Variants in FCRL4 observed in about 807,000 individuals in gnomAD.
FCRL4 encodes the protein Fc receptor-like protein 4.
FCRL4 carries 43 observed loss-of-function variants against 64.1 expected under a neutral mutation model. The observed-to-expected ratio is 0.67, with a 90% CI of 0.53 to 0.87. FCRL4 has a LOEUF of 0.87. Among genes scored for constraint, FCRL4 ranks in the 40% least tolerant of loss-of-function variants. The pLI, the probability that FCRL4 is intolerant of heterozygous loss-of-function variation, is 0.00. For missense variants in FCRL4, 656 were observed against 613.5 expected, an observed-to-expected ratio of 1.07 and a Z score of -0.73; for synonymous variants, 253 against 239.8, an observed-to-expected ratio of 1.05 and a Z score of -0.51.
At position 157,585,395 on chromosome 1, in the gene FCRL4, C is replaced by CTTTCTTTCTTTCTTTCTTTCT. The variant is rs1558155168; in HGVS notation, c.1135+772_1135+773insAGAAAGAAAGAAAGAAAGAAA. Among the ~76,000 whole-genome samples, 7 of 80,838 alleles carry CTTTCTTTCTTTCTTTCTTTCT rather than the reference C, an allele frequency of 8.7e-5. 1 individual carries two copies. Among genetic ancestry groups the CTTTCTTTCTTTCTTTCTTTCT allele is most frequent in the African/African-American group, 2.4e-4 (5 of 20,452 alleles). 53.0% of individuals were successfully genotyped at this position (80,838 alleles called of 152,430 possible). On this transcript the variant is annotated intron_variant, in intron 6 of 11. Transcript: ENST00000271532. ...CTTTCTTTCTTTCTTTCTTTCTTTC[C>CTTTCTTTCTTTCTTTCTTTCT]TTCTTTCTTTCTTTCTTTCTTTCTT...
Position 157,597,985 on chromosome 1 carries a change from C to A in FCRL4, c.-41G>T. On this transcript the variant is annotated 5_prime_UTR_variant, in exon 1 of 12. Transcript: ENST00000271532. ...GATTGGAGAAGGAGTTCTGAGGAGACAAGCCAGGTCAGCCCAGATTGCCAA... is the reference window on the plus strand; with the variant it reads ...GATTGGAGAAGGAGTTCTGAGGAGAAAAGCCAGGTCAGCCCAGATTGCCAA... 1 of 1,565,902 alleles carries A rather than the reference C, an allele frequency of 6.4e-7. No individual in the cohort carries two copies. Among genetic ancestry groups the A allele is most frequent in the Non-Finnish European group, 8.8e-7 (1 of 1,138,578 alleles).
At chr1:157,594,591 T>A (rs1212050652) in intron 2 of FCRL4, among the ~76,000 whole-genome samples, 6 of 152,264 alleles carry the variant, frequency 3.9e-5, no homozygotes, top group Non-Finnish European at 2.9e-5. Flanking sequence ...TGGGGATTGC[T>A]ATTTACTATG....
At position 157,594,944 on chromosome 1, in the gene FCRL4, G is replaced by A. The variant is rs554355512; in HGVS notation, c.52+1384C>T. Among the ~76,000 whole-genome samples the A allele has an allele frequency of 2.0e-5, 3 of 152,262 alleles. No individual in the cohort carries two copies. The South Asian group carries it at 6.2e-4, about 32-fold the overall frequency. ...CAGATAGAGTCTTACTCTTGCCCAG[G>A]CTGGACTGCAGTGGCCTGATCTCAG... On this transcript the variant is annotated intron_variant, in intron 2 of 11. Coordinates refer to ENST00000271532, the MANE Select transcript of FCRL4 (RefSeq NM_031282.3).
At position 157,598,036 on chromosome 1, in the gene FCRL4, A is replaced by G. The variant is rs1653007249; in HGVS notation, c.-92T>C. 1.2e-6 allele frequency: 1 copy of G among 868,392 alleles called. No homozygotes were observed. Among genetic ancestry groups the G allele is most frequent in the African/African-American group, 1.6e-5 (1 of 60,680 alleles). The allele number at this position is 868,392 out of a possible 1,614,324, so 53.8% of individuals were successfully genotyped here. A position where few individuals can be genotyped will look rare whatever the true frequency, so the allele number is the denominator to read the frequency against. On this transcript the variant is annotated 5_prime_UTR_variant, in exon 1 of 12. Coordinates refer to ENST00000271532, the MANE Select transcript of FCRL4 (RefSeq NM_031282.3). ...AGCAGCACTTGCCTACACCAGCACC[A>G]GCAGTGAGCTCAGTAAGCTTCTTCT...
At chr1:157,595,454 G>A (rs1460412710) in intron 2 of FCRL4, among the ~76,000 whole-genome samples, 1 of 152,256 alleles carries the variant, frequency 6.6e-6, no homozygotes, top group Non-Finnish European at 1.5e-5. Flanking sequence ...CCCCTGCTAT[G>A]TGCAGGTGGC....
chr1:157,582,907 C>T (rs956697356), intron 6 of FCRL4, among the ~76,000 whole-genome samples: 1 of 152,158 alleles, frequency 6.6e-6, no homozygotes, highest in Admixed American at 6.5e-5. Flanking sequence ...GGGCATCCGC[C>T]GGTGCAAAAT....
rs139175509 is a variant in FCRL4 at position 157,595,625 on chromosome 1, T to C, written c.52+703A>G. Reference sequence around the variant, plus strand: ...ACCATTAGCAAAGTCTGCCAAGTTATAATCTTGTCTCAGGAAGGGTGTGTG... The same window carrying C: ...ACCATTAGCAAAGTCTGCCAAGTTACAATCTTGTCTCAGGAAGGGTGTGTG... On this transcript the variant is annotated intron_variant, in intron 2 of 11. Coordinates refer to ENST00000271532, the MANE Select transcript of FCRL4 (RefSeq NM_031282.3). Among the ~76,000 whole-genome samples, 764 of 152,330 alleles carry C rather than the reference T, an allele frequency of 5.0e-3. 4 individuals carry two copies. The highest frequency in any genetic ancestry group is 0.016 in the African/African-American group (678 of 41,586).
At chr1:157,577,929 G>A (rs1461743225) in intron 10 of FCRL4, among the ~76,000 whole-genome samples, 3 of 152,020 alleles carry the variant, frequency 2.0e-5, no homozygotes, top group African/African-American at 4.8e-5. Flanking sequence ...AAGGTTGCTC[G>A]AGACTTACCC....
rs1652343219 is a variant in FCRL4, at chr1:157,573,872, A to G, written c.*1652T>C. 5.2e-6 allele frequency: 1 copy of G among 194,010 alleles called. No individual in the cohort carries two copies. Among genetic ancestry groups the G allele is most frequent in the African/African-American group, 2.3e-5 (1 of 43,190 alleles). The allele number at this position is 194,010 out of a possible 1,614,324, so 12.0% of individuals were successfully genotyped here. A position where few individuals can be genotyped will look rare whatever the true frequency, so the allele number is the denominator to read the frequency against. Reference sequence around the variant, plus strand: ...ATCCAAAACACACAACAATTTCTTAATATTAGTATACAAATTTTTCTTAGT... The same window carrying G: ...ATCCAAAACACACAACAATTTCTTAGTATTAGTATACAAATTTTTCTTAGT... On this transcript the variant is annotated 3_prime_UTR_variant, in exon 12 of 12. Coordinates refer to ENST00000271532, the MANE Select transcript of FCRL4 (RefSeq NM_031282.3).
Position 157,588,162 on chromosome 1 carries a change from T to C in FCRL4, c.308-43A>G, listed in dbSNP as rs201702289. ...AGGAGATCGTCATTCAAAGCATTCC[T>C]GCTATCTCCTTCTTCTCTTGAATTA... On this transcript the variant is annotated intron_variant, in intron 3 of 11. Transcript: ENST00000271532. 3 of 1,552,856 alleles carry C rather than the reference T, an allele frequency of 1.9e-6. No individual in the cohort carries two copies. The South Asian group carries it at 3.8e-5, about 19-fold the overall frequency.
intron 2 of FCRL4, among the ~76,000 whole-genome samples, chr1:157,592,722 C>A (rs974130520): frequency 2.0e-5 from 3 of 152,160 alleles, no homozygotes; most frequent in African/African-American, 4.8e-5. Flanking sequence ...TTGACCAAGC[C>A]ATCCCATTAC....
chr1:157,574,514 G>A lies in FCRL4; in HGVS notation c.*1010C>T, dbSNP rs1652357185. 4.8e-6 allele frequency: 1 copy of A among 208,860 alleles called. No individual in the cohort carries two copies. Among genetic ancestry groups the A allele is most frequent in the Admixed American group, 5.9e-5 (1 of 16,954 alleles). The allele number at this position is 208,860 out of a possible 1,614,324, so 12.9% of individuals were successfully genotyped here. On this transcript the variant is annotated 3_prime_UTR_variant, in exon 12 of 12. Coordinates refer to ENST00000271532, the MANE Select transcript of FCRL4 (RefSeq NM_031282.3). ...CATGAAATATCCATACAAATTTGTGGCTTCCTATTTCTTTTATTCCTTCTT... is the reference window on the plus strand; with the variant it reads ...CATGAAATATCCATACAAATTTGTGACTTCCTATTTCTTTTATTCCTTCTT...
chr1:157,590,882 C>CT (rs1652824522), intron 2 of FCRL4, among the ~76,000 whole-genome samples: 1 of 152,054 alleles, frequency 6.6e-6, no homozygotes, highest in African/African-American at 2.4e-5. Flanking sequence ...TCAAGAGAAC[C>CT]TTTTTCCTTG....
At chr1:157,578,930 A>G (rs1168324111) in intron 8 of FCRL4, 78 bp from the exon 9 acceptor site, 9 of 1,139,136 alleles carry the variant, frequency 7.9e-6, no homozygotes, top group Non-Finnish European at 1.0e-5. Flanking sequence ...GGAGAGCGGC[A>G]GAGGAGAAAG....
chr1:157,585,366 C>CT (rs1363919371), intron 6 of FCRL4, among the ~76,000 whole-genome samples: 1 of 102,558 alleles, frequency 9.8e-6, no homozygotes, highest in South Asian at 3.7e-4. Flanking sequence ...TTCTTTCTTT[C>CT]TTTCTTTCTT....
chr1:157,581,829 G>A (rs1571137304), intron 6 of FCRL4, among the ~76,000 whole-genome samples, 185 bp from the exon 7 acceptor site: 1 of 152,214 alleles, frequency 6.6e-6, no homozygotes, highest in East Asian at 1.9e-4. Flanking sequence ...GGGCCTGAGT[G>A]CAAGAGGAAA....
Position 157,594,076 on chromosome 1 carries a change from G to A in FCRL4, c.52+2252C>T, listed in dbSNP as rs368556119. Among the ~76,000 whole-genome samples the A allele has an allele frequency of 3.3e-3, 509 of 152,310 alleles. 4 individuals are homozygous for A. The highest frequency in any genetic ancestry group is 0.011 in the African/African-American group (459 of 41,566). On this transcript the variant is annotated intron_variant, in intron 2 of 11. Coordinates refer to ENST00000271532, the MANE Select transcript of FCRL4 (RefSeq NM_031282.3). ...TCTGATGAGTCATAAAATCACTAAA[G>A]AGTATGGCAGAGCAAGACCTATTAA...
In FCRL4 at chr1:157,578,825, C is replaced by T. The variant is rs1652478939; in HGVS notation, c.1305G>A (p.Glu435=). 1.2e-6 allele frequency: 2 copies of T among 1,613,572 alleles called. No individual in the cohort carries two copies. Among genetic ancestry groups the T allele is most frequent in the South Asian group, 2.2e-5 (2 of 91,052 alleles). Residue 435 remains glutamate, a synonymous_variant, in exon 9 of 12, where the codon GAG becomes GAA. Coordinates refer to ENST00000271532, the MANE Select transcript of FCRL4 (RefSeq NM_031282.3). ...GGGCAGGGCAGATGGAATGGGAGGACTCTCCTGGGCCTGGAGCGGGAGGGA... is the reference window on the plus strand; with the variant it reads ...GGGCAGGGCAGATGGAATGGGAGGATTCTCCTGGGCCTGGAGCGGGAGGGA... The part of the protein sequence containing the change: ...TRLPPAPGPG[E]SSHSICPAQV...
At chr1:157,582,498 G>A (rs955497440) in intron 6 of FCRL4, among the ~76,000 whole-genome samples, 4 of 152,188 alleles carry the variant, frequency 2.6e-5, no homozygotes, top group Non-Finnish European at 4.4e-5. Context: ...AGAGTGGGGC[G>A]TGGTACTTTC....
Sources: allele counts gnomAD v4.1 joint callset (sites outside exome capture counted in the v4.1 genomes callset), GRCh38; gene constraint gnomAD v4.1.1; transcripts MANE v1.5; gene names NCBI Gene and HGNC (gene_info 2026-07-23, HGNC 2026-07-21).